RICTOR: variants seen among roughly 807,000 people sequenced by gnomAD.
RICTOR encodes the protein rapamycin-insensitive companion of mTOR.
In RICTOR, 49 loss-of-function variants were observed where a neutral mutation model predicts 214.9. That is an observed-to-expected ratio of 0.23 (90% CI 0.18 to 0.29). The LOEUF (loss-of-function observed/expected upper bound fraction) is 0.29, where lower values mean the gene tolerates loss of function less well. Ranked by LOEUF, RICTOR falls within the 10% of genes least tolerant of loss-of-function variation. RICTOR has a pLI of 1.00. For missense variants in RICTOR, 1,625 were observed against 2,047.0 expected (o/e 0.79, Z 3.98); for synonymous variants, 717 against 711.3 (o/e 1.01, Z -0.13).
rs890802717 is a variant in RICTOR at position 38,938,751 on chromosome 5, T to G, written c.*3553A>C. 3.0e-5 allele frequency: 7 copies of G among 232,820 alleles called. No homozygotes were observed. The highest frequency in any genetic ancestry group is 6.0e-5 in the Non-Finnish European group (7 of 117,644). 14.4% of individuals were successfully genotyped at this position (232,820 alleles called of 1,614,324 possible). On this transcript the variant is annotated 3_prime_UTR_variant, in exon 38 of 38. Coordinates refer to ENST00000357387, the MANE Select transcript of RICTOR (RefSeq NM_152756.5). ...ACTGCTATTAATTTCACTGGTATGCTTTTAAATGAGATTCTCACTGTAATG... is the reference window on the plus strand; with the variant it reads ...ACTGCTATTAATTTCACTGGTATGCGTTTAAATGAGATTCTCACTGTAATG...
chr5:39,023,115 AAAAC>A (rs1313602205), intron 2 of RICTOR, among the ~76,000 whole-genome samples: 3 of 152,186 alleles, frequency 2.0e-5, no homozygotes, highest in Non-Finnish European at 2.9e-5. Flanking sequence ...GAGAAAAACA[AAAAC>A]AAACAAACAA....
chr5:38,979,737 T>C (rs186621313), intron 8 of RICTOR, among the ~76,000 whole-genome samples: 4 of 152,318 alleles, frequency 2.6e-5, no homozygotes, highest in Non-Finnish European at 4.4e-5. Flanking sequence ...TGCTGATTAT[T>C]GGCAAGAGGG....
intron 3 of RICTOR, 76 bp downstream of exon 3, chr5:39,020,963 G>T (rs1023833368): frequency 1.3e-6 from 1 of 785,306 alleles, no homozygotes; most frequent in Non-Finnish European, 2.3e-6. Context: ...TGTATTTAAT[G>T]ATGGTCAAGA....
intron 2 of RICTOR, among the ~76,000 whole-genome samples, chr5:39,073,091 A>C (rs1182469231): frequency 2.6e-5 from 4 of 152,260 alleles, no homozygotes; most frequent in Non-Finnish European, 5.9e-5. Flanking sequence ...GGTACGACAT[A>C]GGGTAAAAAA....
chr5:39,016,220 C>G (rs1327752608), intron 3 of RICTOR, among the ~76,000 whole-genome samples: 4 of 151,406 alleles, frequency 2.6e-5, no homozygotes, highest in African/African-American at 9.7e-5. Context: ...TATGGTAAAA[C>G]AAAAAACAAA....
rs760812014 is a variant in RICTOR, at chr5:39,074,342, G to A, written c.36C>T (p.Asn12=). Residue 12 remains asparagine, a synonymous_variant, in exon 1 of 38, where the codon AAC becomes AAT. Coordinates refer to ENST00000357387, the MANE Select transcript of RICTOR (RefSeq NM_152756.5). The part of the protein sequence containing the change: ...AAIGRGRSLK[N]LRVRGRNDSG... ...CAGCGGGCTTACCTCGTACTCGGAGGTTCTTCAGAGAGCGGCCGCGGCCGA... is the reference window on the plus strand; with the variant it reads ...CAGCGGGCTTACCTCGTACTCGGAGATTCTTCAGAGAGCGGCCGCGGCCGA... The A allele has an allele frequency of 4.2e-5, 64 of 1,532,066 alleles. No homozygotes were observed. Among genetic ancestry groups the A allele is most frequent in the Non-Finnish European group, 5.2e-5 (59 of 1,137,796 alleles). 94.9% of individuals were successfully genotyped at this position (1,532,066 alleles called of 1,614,324 possible).
chr5:38,988,616 C>T (rs1752349492), intron 7 of RICTOR, among the ~76,000 whole-genome samples: 1 of 152,080 alleles, frequency 6.6e-6, no homozygotes, highest in Non-Finnish European at 1.5e-5. Flanking sequence ...CCTTAGAAAA[C>T]CCCATCGTCT....
chr5:38,963,151 TGATA>T (rs1003991217), intron 16 of RICTOR, 110 bp from the exon 17 acceptor site: 6 of 681,532 alleles, frequency 8.8e-6, no homozygotes, highest in Non-Finnish European at 1.4e-5. Flanking sequence ...AAATTATTAT[TGATA>T]AAGTAAATTA....
chr5:39,011,249 G>A (rs562692463), intron 3 of RICTOR, among the ~76,000 whole-genome samples: 109 of 152,354 alleles, frequency 7.2e-4, no homozygotes, highest in African/African-American at 2.5e-3. Context: ...ATTTACACAT[G>A]GTGTTGGGCC....
Position 38,959,188 on chromosome 5 carries a change from T to C in RICTOR, c.2178+7A>G. The C allele has an allele frequency of 6.3e-7, 1 of 1,580,934 alleles. No individual in the cohort carries two copies. Among genetic ancestry groups the C allele is most frequent in the African/African-American group, 1.4e-5 (1 of 73,576 alleles). On this transcript the variant is annotated splice_region_variant and intron_variant, in intron 22 of 37. Coordinates refer to ENST00000357387, the MANE Select transcript of RICTOR (RefSeq NM_152756.5). Reference sequence around the variant, plus strand: ...AAATATAGTTTTACTGGCTATGTTATACTCACATCAGTAGCTGCAGTTAAA... The same window carrying C: ...AAATATAGTTTTACTGGCTATGTTACACTCACATCAGTAGCTGCAGTTAAA...
At position 38,948,628 on chromosome 5, in the gene RICTOR, C is replaced by T. The variant is rs118046142; in HGVS notation, c.4136+1084G>A. On this transcript the variant is annotated intron_variant, in intron 31 of 37. Transcript: ENST00000357387. Reference sequence around the variant, plus strand: ...GTGCAATCTCCACCAGATGAGGTAACTGAGGCTTAGGAATGTTCAAAATTC... The same window carrying T: ...GTGCAATCTCCACCAGATGAGGTAATTGAGGCTTAGGAATGTTCAAAATTC... Among the ~76,000 whole-genome samples the T allele has an allele frequency of 6.2e-4, 95 of 152,176 alleles. No individual in the cohort carries two copies. The East Asian group carries it at 0.017, about 27-fold the overall frequency.
intron 35 of RICTOR, among the ~76,000 whole-genome samples, 172 bp from the exon 36 acceptor site, chr5:38,944,741 T>C (rs1561435512): frequency 3.3e-5 from 5 of 152,216 alleles, no homozygotes; most frequent in Admixed American, 2.0e-4. Context: ...AGAGGCTCTA[T>C]GTCAGTGGGT....
chr5:39,024,649 C>G (rs548280464), intron 2 of RICTOR, among the ~76,000 whole-genome samples: 4 of 152,266 alleles, frequency 2.6e-5, no homozygotes, highest in African/African-American at 4.8e-5. Context: ...CATTTTACTT[C>G]AGTTTATCAT....
At chr5:39,070,448 C>T (rs560182017) in intron 2 of RICTOR, among the ~76,000 whole-genome samples, 8 of 152,024 alleles carry the variant, frequency 5.3e-5, no homozygotes, top group African/African-American at 1.9e-4. Flanking sequence ...CGCAGTCCGG[C>T]CTGGGCGACA....
chr5:39,058,785 G>A (rs1758354983), intron 2 of RICTOR, among the ~76,000 whole-genome samples: 2 of 151,922 alleles, frequency 1.3e-5, no homozygotes. Flanking sequence ...AATCATCCCA[G>A]AAACATAATT....
rs978010390 is a variant in RICTOR, at chr5:38,967,243, C to T, written c.1152-16G>A. The T allele has an allele frequency of 6.2e-7, 1 of 1,609,936 alleles. No homozygotes were observed. The highest frequency in any genetic ancestry group is 1.3e-5 in the African/African-American group (1 of 74,914). On this transcript the variant is annotated splice_polypyrimidine_tract_variant and intron_variant, in intron 13 of 37. Transcript: ENST00000357387. ...GAGGTCTGGCCTGGAAAAAACAGCA[C>T]AGAAACAATTTAAATAAAGTTTCAT...
chr5:39,025,867 T>A (rs1269070545), intron 2 of RICTOR, among the ~76,000 whole-genome samples: 1 of 152,218 alleles, frequency 6.6e-6, no homozygotes, highest in Non-Finnish European at 1.5e-5. Context: ...ATTCAGTTCA[T>A]TGCACTGTTC....
intron 2 of RICTOR, among the ~76,000 whole-genome samples, chr5:39,061,103 T>C (rs1011758254): frequency 3.3e-5 from 5 of 152,140 alleles, no homozygotes; most frequent in Admixed American, 6.5e-5. Flanking sequence ...CGATTAAACA[T>C]TTACCAATTA....
intron 25 of RICTOR, 28 bp from the exon 26 acceptor site, chr5:38,955,732 C>A (rs1012192536): frequency 2.4e-5 from 28 of 1,188,956 alleles, no homozygotes; most frequent in Non-Finnish European, 3.4e-5. Context: ...TTTAATTGCA[C>A]ATAGTATCAC....
Sources: allele counts gnomAD v4.1 joint callset (sites outside exome capture counted in the v4.1 genomes callset), GRCh38; gene constraint gnomAD v4.1.1; transcripts MANE v1.5; gene names NCBI Gene and HGNC (gene_info 2026-07-23, HGNC 2026-07-21).